Variants in LRRC4C observed in about 807,000 individuals in gnomAD.
LRRC4C encodes the protein leucine-rich repeat-containing protein 4C.
Under a neutral mutation model 33.6 loss-of-function variants are expected in LRRC4C, and 5 were observed. The observed-to-expected ratio is 0.15, with a 90% CI of 0.08 to 0.31. The LOEUF (loss-of-function observed/expected upper bound fraction) is 0.31, where lower values mean the gene tolerates loss of function less well. LRRC4C is among the 10% of genes least tolerant of loss of function. The pLI is 1.00. For synonymous variants in LRRC4C, 329 were observed against 302.0 expected (o/e 1.09, Z -0.93); for missense variants, 560 against 796.7 (o/e 0.70, Z 3.58).
At chr11:41,360,859 G>A (rs78200466) in intron 1 of LRRC4C, among the ~76,000 whole-genome samples, 1 of 152,046 alleles carries the variant, frequency 6.6e-6, no homozygotes, top group East Asian at 1.9e-4. Context: ...TACTCCACTT[G>A]TTCAAATTTT....
chr11:41,273,955 T>C (rs1183096055), intron 1 of LRRC4C, among the ~76,000 whole-genome samples: 1 of 152,142 alleles, frequency 6.6e-6, no homozygotes, highest in African/African-American at 2.4e-5. Context: ...AACGGAGTGA[T>C]GTTAAGGTGA....
At chr11:41,427,368 T>C (rs1404096458) in intron 1 of LRRC4C, among the ~76,000 whole-genome samples, 1 of 152,138 alleles carries the variant, frequency 6.6e-6, no homozygotes, top group Non-Finnish European at 1.5e-5. Flanking sequence ...TCCTTCTTCT[T>C]TGGAAATTAG....
rs1257136941 is a variant in LRRC4C, at chr11:40,218,740, TATCC to T, written c.-96+22775_-96+22778del. On this transcript the variant is annotated intron_variant, in intron 5 of 6. Coordinates refer to ENST00000528697, the MANE Select transcript of LRRC4C (RefSeq NM_001258419.2). ...CTATCTATCTATCTATCTATCTATC[TATCC>T]ATCCATCCATCTATCCATCCATCCA... 7.4e-5 allele frequency among the ~76,000 whole-genome samples: 10 copies of T among 134,620 alleles called. No homozygotes were observed. In the South Asian group the frequency reaches 9.6e-4, roughly 13 times the overall value. The allele number at this position is 134,620 out of a possible 152,430, so 88.3% of individuals were successfully genotyped here.
At chr11:41,101,216 C>T (rs545763040) in intron 1 of LRRC4C, among the ~76,000 whole-genome samples, 27 of 152,090 alleles carry the variant, frequency 1.8e-4, no homozygotes, top group Admixed American at 6.6e-5. Context: ...GTAAATAGGC[C>T]ACCTACAGAG....
At chr11:41,082,382 G>C (rs1939641030) in intron 1 of LRRC4C, among the ~76,000 whole-genome samples, 4 of 149,926 alleles carry the variant, frequency 2.7e-5, no homozygotes, top group African/African-American at 2.5e-5. Context: ...AATGATATTA[G>C]AGATAGCAGT....
chr11:40,623,212 A>G (rs944645404), intron 3 of LRRC4C, among the ~76,000 whole-genome samples: 1 of 151,880 alleles, frequency 6.6e-6, no homozygotes, highest in Admixed American at 6.6e-5. Flanking sequence ...TTCAGCTGAA[A>G]GAATATCTTG....
intron 1 of LRRC4C, among the ~76,000 whole-genome samples, chr11:40,958,274 T>A (rs1167156945): frequency 6.6e-6 from 1 of 151,762 alleles, no homozygotes; most frequent in East Asian, 1.9e-4. Context: ...ATTAACTTCT[T>A]TATGCTCTCA....
In LRRC4C at chr11:40,990,231, T is replaced by TTATATA. The variant is rs761772952; in HGVS notation, c.-495-56514_-495-56509dup. Reference sequence around the variant, plus strand: ...AAATATTTGAATAGTATGTCAAGTTTTATATATATATATATATATATATAT... The same window carrying TTATATA: ...AAATATTTGAATAGTATGTCAAGTTTTATATATATATATATATATATATATATATAT... On this transcript the variant is annotated intron_variant, in intron 1 of 6. Coordinates refer to ENST00000528697, the MANE Select transcript of LRRC4C (RefSeq NM_001258419.2). 8.8e-3 allele frequency among the ~76,000 whole-genome samples: 689 copies of TTATATA among 78,180 alleles called. 13 individuals are homozygous for TTATATA. The highest frequency in any genetic ancestry group is 0.012 in the Non-Finnish European group (472 of 40,420). 51.3% of individuals were successfully genotyped at this position (78,180 alleles called of 152,430 possible). A position where few individuals can be genotyped will look rare whatever the true frequency, so the allele number is the denominator to read the frequency against.
chr11:40,332,761 T>C (rs1341308145), intron 3 of LRRC4C, among the ~76,000 whole-genome samples: 1 of 152,208 alleles, frequency 6.6e-6, no homozygotes, highest in Non-Finnish European at 1.5e-5. Context: ...TTCTGCCTTA[T>C]CCATGTCAAT....
intron 1 of LRRC4C, among the ~76,000 whole-genome samples, chr11:41,313,430 G>A (rs993236611): frequency 2.6e-5 from 4 of 152,084 alleles, no homozygotes; most frequent in Admixed American, 1.3e-4. Context: ...ACCATATTTC[G>A]TTTACCCTTA....
intron 1 of LRRC4C, among the ~76,000 whole-genome samples, chr11:41,398,854 C>T (rs1953920038): frequency 6.6e-6 from 1 of 151,762 alleles, no homozygotes; most frequent in African/African-American, 2.4e-5. Flanking sequence ...CATGATAGCT[C>T]TATAGGGAAG....
intron 6 of LRRC4C, among the ~76,000 whole-genome samples, chr11:40,124,956 C>CT (rs1018520252): frequency 6.6e-5 from 10 of 150,448 alleles, no homozygotes; most frequent in African/African-American, 2.4e-4. Flanking sequence ...AATAATTAAA[C>CT]TTTTTAAAAA....
intron 5 of LRRC4C, among the ~76,000 whole-genome samples, chr11:40,201,086 AAG>A (rs1044721600): frequency 1.3e-5 from 2 of 152,134 alleles, no homozygotes; most frequent in African/African-American, 2.4e-5. Context: ...GACAGAGAAA[AAG>A]AGAGAGAGAA....
chr11:40,362,769 G>A (rs7117624), intron 3 of LRRC4C, among the ~76,000 whole-genome samples: 77,072 of 151,952 alleles, frequency 0.51, 19,950 homozygotes, highest in East Asian at 0.8. Context: ...ACGAACAGAC[G>A]CTTCTCAAAA....
chr11:41,282,915 T>A (rs559049326), intron 1 of LRRC4C, among the ~76,000 whole-genome samples: 1 of 152,230 alleles, frequency 6.6e-6, no homozygotes, highest in South Asian at 2.1e-4. Flanking sequence ...TATTCTTTTA[T>A]CAAAACAGGC....
chr11:40,961,318 T>A (rs1473901804), intron 1 of LRRC4C, among the ~76,000 whole-genome samples: 3 of 151,638 alleles, frequency 2.0e-5, no homozygotes, highest in African/African-American at 7.3e-5. Flanking sequence ...GTTGTTCTAT[T>A]TTGCCTGAAA....
chr11:40,788,123 CAG>C (rs1352745446), intron 2 of LRRC4C, among the ~76,000 whole-genome samples: 1 of 152,134 alleles, frequency 6.6e-6, no homozygotes, highest in Admixed American at 6.5e-5. Flanking sequence ...TACCCAGTGA[CAG>C]AGATGAGTTT....
At position 41,449,320 on chromosome 11, in the gene LRRC4C, G is replaced by A. The variant is rs114760839; in HGVS notation, c.-496+10111C>T. Among the ~76,000 whole-genome samples the A allele has an allele frequency of 3.4e-3, 524 of 152,154 alleles. 3 individuals are homozygous for A. The highest frequency in any genetic ancestry group is 0.012 in the African/African-American group (493 of 41,526). ...GAAGTAAAAACCCAGGAAGAAGGAA[G>A]CAAGAAACCAAGAAACTCTAGCAGG... On this transcript the variant is annotated intron_variant, in intron 1 of 6. Coordinates refer to ENST00000528697, the MANE Select transcript of LRRC4C (RefSeq NM_001258419.2).
At chr11:40,847,459 G>A (rs1424209859) in intron 2 of LRRC4C, among the ~76,000 whole-genome samples, 1 of 152,140 alleles carries the variant, frequency 6.6e-6, no homozygotes, top group African/African-American at 2.4e-5. Flanking sequence ...TTGTTGATCT[G>A]CGTATGTTGA....
Sources: gnomAD v4.1 joint callset for allele counts (sites outside exome capture counted in the v4.1 genomes callset) on GRCh38, gnomAD v4.1.1 for gene constraint, MANE v1.5 for transcripts, NCBI Gene and HGNC (gene_info 2026-07-23, HGNC 2026-07-21) for gene names.